Variants in CELF2 observed in about 807,000 individuals in gnomAD.
CELF2 encodes the protein CUGBP Elav-like family member 2, also known as CUG triplet repeat RNA-binding protein 2.
CELF2 carries 8 observed loss-of-function variants against 62.6 expected under a neutral mutation model. The observed-to-expected ratio is 0.13, with a 90% CI of 0.07 to 0.23. The LOEUF is 0.23. CELF2 is among the 10% of genes least tolerant of loss of function. The pLI, the probability that CELF2 is intolerant of heterozygous loss-of-function variation, is 1.00. For missense variants in CELF2, 333 were observed against 671.0 expected (o/e 0.50, Z 5.56); for synonymous variants, 258 against 250.0 (o/e 1.03, Z -0.30).
chr10:10,523,870 C>T, the CELF2 span, among the ~76,000 whole-genome samples: 1 of 152,162 alleles, frequency 6.6e-6, no homozygotes, highest in Admixed American at 6.5e-5. Flanking sequence ...AGGCCACATA[C>T]TTTAGTCTGC....
At chr10:10,932,676 A>ATG (rs72121252) in intron 2 of CELF2, among the ~76,000 whole-genome samples, 5,068 of 150,832 alleles carry the variant, frequency 0.034, 112 homozygotes, top group Non-Finnish European at 0.052. Context: ...ATGTATGTGT[A>ATG]TGTGTGTGTG....
chr10:11,334,954 G>C lies in CELF2; in HGVS notation c.*5901G>C, dbSNP rs534228839. 1 of 152,190 alleles carries C rather than the reference G, an allele frequency of 6.6e-6. No individual in the cohort carries two copies. The highest frequency in any genetic ancestry group is 1.5e-5 in the Non-Finnish European group (1 of 68,032). 9.4% of individuals were successfully genotyped at this position (152,190 alleles called of 1,614,324 possible). Reference sequence around the variant, plus strand: ...AATTATTTATTTCTACAAGCTAATTGAATCCAGGAGCAGCTTTAATTATTA... The same window carrying C: ...AATTATTTATTTCTACAAGCTAATTCAATCCAGGAGCAGCTTTAATTATTA... On this transcript the variant is annotated 3_prime_UTR_variant, in exon 13 of 13. Transcript: ENST00000633077.
In CELF2 at chr10:11,018,146, G is replaced by C; in HGVS notation, c.57G>C (p.Leu19=). 6.6e-7 allele frequency: 1 copy of C among 1,523,554 alleles called. No homozygotes were observed. Among genetic ancestry groups the C allele is most frequent in the Non-Finnish European group, 8.8e-7 (1 of 1,133,266 alleles). The allele number at this position is 1,523,554 out of a possible 1,614,324, so 94.4% of individuals were successfully genotyped here. ...CGGACATGATGGTCGAGGGCCGCCTGCTCGTTCCTGACAGAATGTGAGTGG... is the reference window on the plus strand; with the variant it reads ...CGGACATGATGGTCGAGGGCCGCCTCCTCGTTCCTGACAGAATGTGAGTGG... ...FLPDMMVEGR[L]LVPDRINGTA... Residue 19 remains leucine (L), a synonymous_variant, in exon 1 of 13, where the codon CTG becomes CTC. Coordinates refer to ENST00000633077, the MANE Select transcript of CELF2 (RefSeq NM_001326342.2).
At chr10:10,590,571 T>G in the CELF2 span, among the ~76,000 whole-genome samples, 20,060 of 152,210 alleles carry the variant, frequency 0.13, 1,583 homozygotes, top group Non-Finnish European at 0.19. Flanking sequence ...TGCCCTTTAC[T>G]ACCACCAGCC....
chr10:10,480,709 C>A, the CELF2 span, among the ~76,000 whole-genome samples: 1 of 152,110 alleles, frequency 6.6e-6, no homozygotes, highest in Non-Finnish European at 1.5e-5. Flanking sequence ...GTAACAACTA[C>A]CTTTGAAAGT....
At chr10:10,527,817 T>C in the CELF2 span, among the ~76,000 whole-genome samples, 1 of 152,228 alleles carries the variant, frequency 6.6e-6, no homozygotes, top group African/African-American at 2.4e-5. Flanking sequence ...GGGCCAAGCT[T>C]TAGTGAGGGA....
chr10:11,126,860 CAT>C (rs2058783904), intron 1 of CELF2, among the ~76,000 whole-genome samples: 1 of 150,850 alleles, frequency 6.6e-6, no homozygotes, highest in East Asian at 1.9e-4. Flanking sequence ...TGTGGTCATT[CAT>C]ACTTTTTTTT....
chr10:11,293,797 G>GT (rs142303125), intron 9 of CELF2, among the ~76,000 whole-genome samples: 3,781 of 151,942 alleles, frequency 0.025, 161 homozygotes, highest in African/African-American at 0.085. Flanking sequence ...AGTGTTGTTT[G>GT]TTTTTTTTTA....
In CELF2 at chr10:11,311,549, C is replaced by T. The variant is rs1161456908; in HGVS notation, c.977-2590C>T. 7.2e-5 allele frequency among the ~76,000 whole-genome samples: 11 copies of T among 151,982 alleles called. No individual in the cohort carries two copies. Among genetic ancestry groups the T allele is most frequent in the African/African-American group, 9.7e-5 (4 of 41,350 alleles). Reference sequence around the variant, plus strand: ...AGACCTCAGATATTAGCATTATTAGCATACAACAGAAAGGAAATACAGCTA... The same window carrying T: ...AGACCTCAGATATTAGCATTATTAGTATACAACAGAAAGGAAATACAGCTA... On this transcript the variant is annotated intron_variant, in intron 9 of 12. Coordinates refer to ENST00000633077, the MANE Select transcript of CELF2 (RefSeq NM_001326342.2). This position sits in a 1 kb window ranked among gnomAD's most constrained non-coding sequence, Gnocchi z 4.7.
intron 1 of CELF2, among the ~76,000 whole-genome samples, chr10:11,100,837 C>T (rs1444056149): frequency 1.3e-5 from 2 of 152,184 alleles, no homozygotes; most frequent in Admixed American, 6.5e-5. Context: ...CAAGGGAGGT[C>T]TCCCATACCA....
At chr10:10,599,892 C>T in the CELF2 span, among the ~76,000 whole-genome samples, 2 of 151,904 alleles carry the variant, frequency 1.3e-5, no homozygotes, top group African/African-American at 4.8e-5. Flanking sequence ...CCACCACACC[C>T]GGCTAATTTG....
chr10:10,944,582 A>G (rs2047436500), intron 2 of CELF2, among the ~76,000 whole-genome samples: 1 of 151,918 alleles, frequency 6.6e-6, no homozygotes, highest in Non-Finnish European at 1.5e-5. Context: ...CACAGAATAA[A>G]CTTGGAGGGA....
At chr10:10,501,960 T>C in the CELF2 span, among the ~76,000 whole-genome samples, 1 of 152,146 alleles carries the variant, frequency 6.6e-6, no homozygotes, top group Non-Finnish European at 1.5e-5. Context: ...TGTTTCTTTT[T>C]CAAGAATTTC....
At position 11,270,320 on chromosome 10, in the gene CELF2, C is replaced by G. The variant is rs1241434070; in HGVS notation, c.619-346C>G. Among the ~76,000 whole-genome samples, 1 of 152,172 alleles carries G rather than the reference C, an allele frequency of 6.6e-6. No individual in the cohort carries two copies. The highest frequency in any genetic ancestry group is 1.5e-5 in the Non-Finnish European group (1 of 68,032). On this transcript the variant is annotated intron_variant, in intron 6 of 12. Transcript: ENST00000633077. This position sits in a 1 kb window ranked among gnomAD's most constrained non-coding sequence, Gnocchi z 5.8. ...CAAGTCTGTCTTTAAGACGAGCAGC[C>G]TGAGAAGCTCAATTAAAGAACCTTG... is the stretch of plus-strand genomic sequence containing the variant.
intron 1 of CELF2, among the ~76,000 whole-genome samples, chr10:10,841,340 A>T (rs2058670972): frequency 2.8e-5 from 2 of 71,822 alleles, no homozygotes; most frequent in African/African-American, 9.0e-5. Context: ...CATTTGATAT[A>T]GTATCAAAAA....
intron 1 of CELF2, among the ~76,000 whole-genome samples, chr10:11,053,709 G>C (rs1263384460): frequency 6.6e-6 from 1 of 150,526 alleles, no homozygotes; most frequent in African/African-American, 2.5e-5. Flanking sequence ...CCGCCTTCCG[G>C]GTTCACACCA....
At chr10:10,897,638 G>C (rs570441507) in intron 1 of CELF2, among the ~76,000 whole-genome samples, 1 of 152,166 alleles carries the variant, frequency 6.6e-6, no homozygotes, top group South Asian at 2.1e-4. Flanking sequence ...CTCAGCAGAG[G>C]CCAGCAATAG....
At chr10:11,059,918 G>C (rs908685776) in intron 1 of CELF2, among the ~76,000 whole-genome samples, 4 of 152,180 alleles carry the variant, frequency 2.6e-5, no homozygotes, top group African/African-American at 9.7e-5. Context: ...ACTTTCACAC[G>C]CTTAAGCTTA....
At chr10:11,288,649 C>T in intron 9 of CELF2, 97 bp downstream of exon 9, 2 of 1,380,606 alleles carry the variant, frequency 1.4e-6, no homozygotes, top group South Asian at 1.3e-5. Context: ...TAGACGTGTC[C>T]AGGATGGAGC....
Sources: gnomAD v4.1 joint callset for allele counts (sites outside exome capture counted in the v4.1 genomes callset) on GRCh38, gnomAD v4.1.1 for gene constraint, Gnocchi (gnomAD v3.1) non-coding constraint, MANE v1.5 for transcripts, NCBI Gene and HGNC (gene_info 2026-07-23, HGNC 2026-07-21) for gene names.